XRN1: variants seen among roughly 807,000 people sequenced by gnomAD.
XRN1 encodes the protein 5'-3' exoribonuclease 1.
XRN1 carries 67 observed loss-of-function variants against 222.3 expected under a neutral mutation model. That is an observed-to-expected ratio of 0.30 (90% confidence interval 0.25 to 0.37). The LOEUF is 0.37. Ranked by LOEUF, XRN1 falls within the 10% of genes least tolerant of loss-of-function variation. The probability of loss-of-function intolerance (pLI) is 1.00; values close to 1 mark genes in which losing one functional copy is unlikely to be tolerated. For synonymous variants in XRN1, 643 were observed against 652.4 expected (o/e 0.99, Z 0.22); for missense variants, 1,707 against 2,000.2 (o/e 0.85, Z 2.80).
At chr3:142,362,994 C>A (rs1292026120) in intron 29 of XRN1, among the ~76,000 whole-genome samples, 1 of 150,932 alleles carries the variant, frequency 6.6e-6, no homozygotes, top group East Asian at 2.0e-4. Context: ...AGGCTGGTCT[C>A]AAACTCCCGG....
chr3:142,363,465 T>TG lies in XRN1; in HGVS notation c.3394+1581dup, dbSNP rs368609505. Among the ~76,000 whole-genome samples, 176 of 152,300 alleles carry TG rather than the reference T, an allele frequency of 1.2e-3. 1 individual carries two copies. Among genetic ancestry groups the TG allele is most frequent in the African/African-American group, 4.0e-3 (165 of 41,572 alleles). The stretch of plus-strand genomic sequence containing the variant: ...GTAAAATCAATTGACCATACAGGTT[T>TG]GGGTCTATTTCGGGACTCTAATTAT... On this transcript the variant is annotated intron_variant, in intron 29 of 40. Transcript: ENST00000392981.
At chr3:142,425,903 T>G (rs2108126595) in intron 3 of XRN1, among the ~76,000 whole-genome samples, 1 of 152,242 alleles carries the variant, frequency 6.6e-6, no homozygotes, top group South Asian at 2.1e-4. Flanking sequence ...AAGGTTTTTT[T>G]TTTTAAGGCT....
chr3:142,335,768 C>G (rs1577241798), intron 33 of XRN1, among the ~76,000 whole-genome samples: 1 of 152,000 alleles, frequency 6.6e-6, no homozygotes, highest in East Asian at 1.9e-4. Context: ...GTTAAGTACT[C>G]CAGGCAAAGC....
Position 142,428,937 on chromosome 3 carries a change from T to C in XRN1, c.309-2096A>G, listed in dbSNP as rs140235271. ...CCATTGGATGAAATCACTCAGAGCC[T>C]AGGACAGAAACTTAAGAAACATTAA... On this transcript the variant is annotated intron_variant, in intron 2 of 40. Coordinates refer to ENST00000392981, the MANE Select transcript of XRN1 (RefSeq NM_001282857.2). 9.4e-3 allele frequency among the ~76,000 whole-genome samples: 1,431 copies of C among 152,094 alleles called. 21 individuals are homozygous for C. Among genetic ancestry groups the C allele is most frequent in the African/African-American group, 0.033 (1,354 of 41,460 alleles).
chr3:142,397,989 CAT>C (rs1445767367), intron 19 of XRN1, among the ~76,000 whole-genome samples: 2 of 152,126 alleles, frequency 1.3e-5, no homozygotes, highest in Admixed American at 1.3e-4. Flanking sequence ...TGCCTGTAAT[CAT>C]AGCATTTTGG....
rs138581988 is a variant in XRN1, at chr3:142,414,105, G to A, written c.1593+30C>T. 406 of 1,555,082 alleles carry A rather than the reference G, an allele frequency of 2.6e-4. No homozygotes were observed. The African/African-American group carries it at 5.1e-3, about 20-fold the overall frequency. ...GGAAGAGCTTCTAAATATCAAAAAG[G>A]ACATAAAAACATTCAATTCTAAGAC... On this transcript the variant is annotated intron_variant, in intron 14 of 40. Coordinates refer to ENST00000392981, the MANE Select transcript of XRN1 (RefSeq NM_001282857.2).
chr3:142,392,347 CTTTAAG>C (rs2067760096), intron 20 of XRN1, among the ~76,000 whole-genome samples: 36 of 144,258 alleles, frequency 2.5e-4, no homozygotes, highest in Admixed American at 1.8e-3. Flanking sequence ...TTTTATTATA[CTTTAAG>C]TTTTAGGATA....
chr3:142,426,921 C>T lies in XRN1; in HGVS notation c.309-80G>A, dbSNP rs547248482. On this transcript the variant is annotated intron_variant, in intron 2 of 40. Coordinates refer to ENST00000392981, the MANE Select transcript of XRN1 (RefSeq NM_001282857.2). ...TTTATATAAACTGCTATGTAGGTGC[C>T]TTTATAACTAAAATAGTAATTCACC... is the stretch of plus-strand genomic sequence containing the variant. 8 of 1,020,654 alleles carry T rather than the reference C, an allele frequency of 7.8e-6. No individual in the cohort carries two copies. In the Admixed American group the frequency reaches 8.8e-5, roughly 11 times the overall value. 63.2% of individuals were successfully genotyped at this position (1,020,654 alleles called of 1,614,324 possible).
intron 25 of XRN1, among the ~76,000 whole-genome samples, chr3:142,372,767 T>G (rs2067025643): frequency 6.6e-6 from 1 of 152,218 alleles, no homozygotes; most frequent in African/African-American, 2.4e-5. Context: ...TAATGAAACC[T>G]TCTTTCCCTG....
At chr3:142,355,599 C>T in intron 31 of XRN1, 103 bp from the exon 32 acceptor site, 3 of 751,858 alleles carry the variant, frequency 4.0e-6, no homozygotes, top group Non-Finnish European at 2.0e-6. Context: ...CAGTGGTAGA[C>T]AGGATATTAA....
intron 37 of XRN1, among the ~76,000 whole-genome samples, chr3:142,325,940 T>C (rs1560289295): frequency 6.6e-6 from 1 of 152,186 alleles, no homozygotes; most frequent in Non-Finnish European, 1.5e-5. Context: ...CCCTAACATA[T>C]GTTCTTGTCA....
chr3:142,389,310 T>C (rs575663684), intron 20 of XRN1, among the ~76,000 whole-genome samples: 1 of 152,306 alleles, frequency 6.6e-6, no homozygotes, highest in South Asian at 2.1e-4. Context: ...CTTCTAATTC[T>C]AGCTTTTTTT....
At chr3:142,394,733 T>C (rs1326671348) in intron 20 of XRN1, among the ~76,000 whole-genome samples, 1 of 152,234 alleles carries the variant, frequency 6.6e-6, no homozygotes, top group African/African-American at 2.4e-5. Flanking sequence ...CTTCTCATTG[T>C]TTTTACACAC....
At chr3:142,441,768 C>T (rs2070225110) in intron 1 of XRN1, among the ~76,000 whole-genome samples, 1 of 152,196 alleles carries the variant, frequency 6.6e-6, no homozygotes, top group Admixed American at 6.5e-5. Context: ...CTTAACCCAG[C>T]CACATTTCTT....
intron 23 of XRN1, among the ~76,000 whole-genome samples, chr3:142,379,194 C>T (rs1466846149): frequency 6.6e-6 from 1 of 152,086 alleles, no homozygotes; most frequent in African/African-American, 2.4e-5. Context: ...TCACTTGAAC[C>T]AGGGAGGCAG....
intron 1 of XRN1, 104 bp from the exon 2 acceptor site, chr3:142,432,997 T>C (rs1362040280): frequency 4.6e-6 from 4 of 864,776 alleles, no homozygotes; most frequent in Non-Finnish European, 7.0e-6. Flanking sequence ...GCAGGATTTG[T>C]GTATTCTATT....
At chr3:142,343,069 C>G (rs1346689971) in intron 33 of XRN1, among the ~76,000 whole-genome samples, 1 of 152,038 alleles carries the variant, frequency 6.6e-6, no homozygotes, top group Non-Finnish European at 1.5e-5. Flanking sequence ...GCTCAAACAA[C>G]TTTCTAGGAA....
At chr3:142,406,704 T>C (rs1324283995) in intron 15 of XRN1, among the ~76,000 whole-genome samples, 2 of 152,108 alleles carry the variant, frequency 1.3e-5, no homozygotes, top group African/African-American at 4.8e-5. Flanking sequence ...TTTTTTTTTT[T>C]TTTGGTAGAG....
At chr3:142,417,251 T>C (rs537529885) in intron 12 of XRN1, 22 bp from the exon 13 acceptor site, 1 of 1,607,526 alleles carries the variant, frequency 6.2e-7, no homozygotes, top group East Asian at 2.2e-5. Flanking sequence ...ATATTTTCAT[T>C]ATAACATATT....
Sources: allele counts gnomAD v4.1 joint callset (sites outside exome capture counted in the v4.1 genomes callset), GRCh38; gene constraint gnomAD v4.1.1; transcripts MANE v1.5; gene names NCBI Gene and HGNC (gene_info 2026-07-23, HGNC 2026-07-21).